The following LDLRAD3 variants were observed in gnomAD, a reference collection of about 807,000 sequenced individuals.
The protein encoded by LDLRAD3 is low density lipoprotein receptor class A domain containing 3, also known as low-density lipoprotein receptor class A domain-containing protein 3.
Under a neutral mutation model 29.4 loss-of-function variants are expected in LDLRAD3, and 20 were observed. The observed-to-expected ratio is 0.68, with a 90% CI of 0.48 to 0.99. The LOEUF is 0.99. Ranked by LOEUF, LDLRAD3 falls within the 50% of genes least tolerant of loss-of-function variation. LDLRAD3 has a pLI of 0.00. For missense variants in LDLRAD3, 420 were observed against 454.3 expected (o/e 0.92, Z 0.69); for synonymous variants, 157 against 192.7 (o/e 0.81, Z 1.53).
At chr11:36,149,384 G>T (rs747622622) in intron 4 of LDLRAD3, among the ~76,000 whole-genome samples, 8 of 152,216 alleles carry the variant, frequency 5.3e-5, no homozygotes, top group Non-Finnish European at 1.2e-4. Context: ...AGTTAAGTTG[G>T]CAGGAAGCAA....
chr11:36,113,672 CTT>C (rs745375991), intron 4 of LDLRAD3, among the ~76,000 whole-genome samples: 51 of 126,362 alleles, frequency 4.0e-4, no homozygotes, highest in Middle Eastern at 8.5e-3. Flanking sequence ...CATAGCATCA[CTT>C]TTTTTTTTTT....
chr11:36,125,648 G>A (rs868867381), intron 4 of LDLRAD3, among the ~76,000 whole-genome samples: 1 of 152,160 alleles, frequency 6.6e-6, no homozygotes, highest in Non-Finnish European at 1.5e-5. Flanking sequence ...TGATCAAAGG[G>A]TTGTTCTTTA....
intron 1 of LDLRAD3, among the ~76,000 whole-genome samples, chr11:35,997,000 T>C (rs1851763312): frequency 6.6e-6 from 1 of 152,134 alleles, no homozygotes; most frequent in African/African-American, 2.4e-5. Flanking sequence ...TAGTTTCTCA[T>C]GTCAAACAAG....
At chr11:36,001,376 A>G (rs1851823041) in intron 1 of LDLRAD3, among the ~76,000 whole-genome samples, 1 of 152,212 alleles carries the variant, frequency 6.6e-6, no homozygotes. Context: ...TGTTCTTGAT[A>G]TGTAAAATAT....
chr11:36,012,829 T>C (rs1851972875), intron 1 of LDLRAD3, among the ~76,000 whole-genome samples: 1 of 152,242 alleles, frequency 6.6e-6, no homozygotes, highest in Admixed American at 6.5e-5. Flanking sequence ...GGAGGACTAT[T>C]GTATTTCAAG....
At chr11:36,193,329 G>A (rs1315053527) in intron 4 of LDLRAD3, among the ~76,000 whole-genome samples, 1 of 151,926 alleles carries the variant, frequency 6.6e-6, no homozygotes, top group Non-Finnish European at 1.5e-5. Context: ...CTTTCCTTTT[G>A]TCTGGCCACC....
At chr11:36,116,963 T>C (rs912501558) in intron 4 of LDLRAD3, among the ~76,000 whole-genome samples, 4 of 151,894 alleles carry the variant, frequency 2.6e-5, no homozygotes, top group African/African-American at 9.7e-5. Context: ...TGCCTCAGCC[T>C]CCTGAGTAGC....
chr11:36,036,822 TG>T (rs1475032328), intron 2 of LDLRAD3, among the ~76,000 whole-genome samples: 5 of 152,214 alleles, frequency 3.3e-5, no homozygotes, highest in Non-Finnish European at 2.9e-5. Flanking sequence ...CATCTTCTAA[TG>T]GGCACCACCA....
chr11:36,115,846 G>C (rs1853667193), intron 4 of LDLRAD3, among the ~76,000 whole-genome samples: 1 of 152,178 alleles, frequency 6.6e-6, no homozygotes, highest in Admixed American at 6.5e-5. Flanking sequence ...TTAGATGTGA[G>C]AAAGTTTTTA....
intron 1 of LDLRAD3, among the ~76,000 whole-genome samples, chr11:36,018,722 G>A (rs968963936): frequency 2.0e-5 from 3 of 152,168 alleles, no homozygotes. Flanking sequence ...GGGTCTGAGG[G>A]TGCCAGTTTC....
chr11:36,158,491 C>T lies in LDLRAD3; in HGVS notation c.454+60030C>T, dbSNP rs140681979. ...TAAAATTGCAACCCATCACCAACCC[C>T]GCTCCCTCTTCGTTCCACTTACCAT... On this transcript the variant is annotated intron_variant, in intron 4 of 5. Coordinates refer to ENST00000315571, the MANE Select transcript of LDLRAD3 (RefSeq NM_174902.4). Among the ~76,000 whole-genome samples, 493 of 151,368 alleles carry T rather than the reference C, an allele frequency of 3.3e-3. 13 individuals are homozygous for T. The East Asian group carries it at 0.065, about 20-fold the overall frequency.
chr11:36,053,063 C>A (rs11033390), intron 2 of LDLRAD3, among the ~76,000 whole-genome samples: 23,165 of 151,778 alleles, frequency 0.15, 1,871 homozygotes, highest in East Asian at 0.31. Flanking sequence ...GAAAGGAGAG[C>A]ACCTGAGCCA....
chr11:36,103,852 T>C (rs574085837), intron 4 of LDLRAD3, among the ~76,000 whole-genome samples: 5 of 152,242 alleles, frequency 3.3e-5, no homozygotes, highest in African/African-American at 1.2e-4. Context: ...CCATCCATGT[T>C]GTAGCCTATC....
At chr11:36,050,638 C>T (rs866158324) in intron 2 of LDLRAD3, among the ~76,000 whole-genome samples, 1 of 152,226 alleles carries the variant, frequency 6.6e-6, no homozygotes, top group South Asian at 2.1e-4. Flanking sequence ...GACCTGACTG[C>T]TGCATCCTCT....
chr11:36,176,517 G>T (rs111846846), intron 4 of LDLRAD3, among the ~76,000 whole-genome samples: 1 of 151,926 alleles, frequency 6.6e-6, no homozygotes, highest in African/African-American at 2.4e-5. Context: ...CTTGGTAGTG[G>T]TGAATTGTCT....
intron 1 of LDLRAD3, among the ~76,000 whole-genome samples, chr11:36,024,189 T>C (rs1228073483): frequency 6.6e-6 from 1 of 152,144 alleles, no homozygotes; most frequent in East Asian, 1.9e-4. Flanking sequence ...TAAGAATGTA[T>C]GGAGGGAAGG....
chr11:35,989,658 TG>T (rs1851663162), intron 1 of LDLRAD3, among the ~76,000 whole-genome samples: 1 of 152,204 alleles, frequency 6.6e-6, no homozygotes. Flanking sequence ...GTTAATTTTT[TG>T]TGGCTATTAT....
intron 1 of LDLRAD3, among the ~76,000 whole-genome samples, chr11:35,957,292 C>T (rs543851890): frequency 7.9e-5 from 12 of 152,296 alleles, no homozygotes; most frequent in East Asian, 1.9e-4. Context: ...CACTAATCTA[C>T]GAGTACAAGA....
At chr11:36,135,648 C>T (rs1458412312) in intron 4 of LDLRAD3, among the ~76,000 whole-genome samples, 3 of 152,194 alleles carry the variant, frequency 2.0e-5, no homozygotes, top group Non-Finnish European at 2.9e-5. Flanking sequence ...CGGTGGCTCA[C>T]GCTGTAACCC....
Sources: allele counts gnomAD v4.1 joint callset (sites outside exome capture counted in the v4.1 genomes callset), GRCh38; gene constraint gnomAD v4.1.1; transcripts MANE v1.5; gene names NCBI Gene and HGNC (gene_info 2026-07-23, HGNC 2026-07-21).